Variants in SSBP2 observed in about 807,000 individuals in gnomAD.
SSBP2 encodes the protein single stranded DNA binding protein 2, also known as single-stranded DNA-binding protein 2.
In SSBP2, 17 loss-of-function variants were observed where a neutral mutation model predicts 61.8. The ratio of observed to expected loss-of-function variants is 0.28; its 90% CI spans 0.19 to 0.41. The LOEUF is 0.41. Among genes scored for constraint, SSBP2 ranks in the 10% least tolerant of loss-of-function variants. SSBP2 has a pLI of 1.00. For synonymous variants in SSBP2, 139 were observed against 141.3 expected (o/e 0.98, Z 0.12); for missense variants, 310 against 458.7 (o/e 0.68, Z 2.96).
At chr5:81,691,452 A>T (rs1157217522) in intron 1 of SSBP2, among the ~76,000 whole-genome samples, 1 of 152,076 alleles carries the variant, frequency 6.6e-6, no homozygotes, top group East Asian at 1.9e-4. Flanking sequence ...TAAATTGGAA[A>T]ACCTAGAAAT....
rs527692186 is a variant in SSBP2, at chr5:81,717,184, A to C, written c.62+33797T>G. Among the ~76,000 whole-genome samples, 12 of 152,256 alleles carry C rather than the reference A, an allele frequency of 7.9e-5. No individual in the cohort carries two copies. In the South Asian group the frequency reaches 2.1e-3, roughly 26 times the overall value. On this transcript the variant is annotated intron_variant, in intron 1 of 16. Coordinates refer to ENST00000320672, the MANE Select transcript of SSBP2 (RefSeq NM_012446.5). ...CCACTTGTTACCAGGGCCGTTTGTCAGGGTTGTGTCTGCTATGAACTACCT... is the reference window on the plus strand; with the variant it reads ...CCACTTGTTACCAGGGCCGTTTGTCCGGGTTGTGTCTGCTATGAACTACCT...
chr5:81,438,939 G>T (rs1445937487), intron 14 of SSBP2, among the ~76,000 whole-genome samples: 1 of 152,176 alleles, frequency 6.6e-6, no homozygotes, highest in East Asian at 1.9e-4. Flanking sequence ...TGCAACTGAA[G>T]AACTGAATTT....
Position 81,656,054 on chromosome 5 carries a change from AT to A in SSBP2, c.63-5716del, listed in dbSNP as rs575149120. 1.2e-4 allele frequency among the ~76,000 whole-genome samples: 18 copies of A among 151,936 alleles called. No homozygotes were observed. In the East Asian group the frequency reaches 1.4e-3, roughly 11 times the overall value. On this transcript the variant is annotated intron_variant, in intron 1 of 16. Transcript: ENST00000320672. The stretch of plus-strand genomic sequence containing the variant: ...ATTAGAAGGGAATTAAAGATATATA[AT>A]TTTTTTTATGAGACGGAGTCTTGCT...
intron 4 of SSBP2, among the ~76,000 whole-genome samples, chr5:81,614,554 G>A (rs1016108876): frequency 8.6e-5 from 13 of 151,982 alleles, no homozygotes; most frequent in Non-Finnish European, 1.8e-4. Context: ...TTGAGCGCTG[G>A]TTCTGGTTTT....
chr5:81,647,168 T>TA (rs1727852180), intron 2 of SSBP2, among the ~76,000 whole-genome samples: 1 of 152,178 alleles, frequency 6.6e-6, no homozygotes, highest in South Asian at 2.1e-4. Flanking sequence ...ACAAATAATA[T>TA]ATGTATTCCT....
chr5:81,660,845 A>G (rs1750626645), intron 1 of SSBP2, among the ~76,000 whole-genome samples: 1 of 152,222 alleles, frequency 6.6e-6, no homozygotes. Context: ...GAATGAGATC[A>G]TGTTCTCTGC....
intron 4 of SSBP2, among the ~76,000 whole-genome samples, chr5:81,556,999 C>A: frequency 6.6e-6 from 1 of 152,028 alleles, no homozygotes; most frequent in Non-Finnish European, 1.5e-5. Flanking sequence ...TTTTCTCTCA[C>A]CTCTGTGATT....
intron 2 of SSBP2, among the ~76,000 whole-genome samples, chr5:81,649,261 C>A (rs1749531336): frequency 6.6e-6 from 1 of 152,008 alleles, no homozygotes; most frequent in Non-Finnish European, 1.5e-5. Flanking sequence ...ATGTAAAATA[C>A]CTTGGCACAT....
At chr5:81,457,003 C>T (rs568592896) in intron 10 of SSBP2, among the ~76,000 whole-genome samples, 20 of 152,186 alleles carry the variant, frequency 1.3e-4, no homozygotes, top group South Asian at 8.3e-4. Context: ...AAGGTATAGA[C>T]GTGTGTGGGT....
intron 1 of SSBP2, among the ~76,000 whole-genome samples, chr5:81,693,161 G>C (rs980274203): frequency 2.1e-5 from 3 of 144,288 alleles, no homozygotes; most frequent in African/African-American, 7.8e-5. Context: ...CCTAGATCAC[G>C]CCACTGCACT....
chr5:81,515,772 A>G (rs1172293027), intron 4 of SSBP2, among the ~76,000 whole-genome samples: 1 of 151,614 alleles, frequency 6.6e-6, no homozygotes, highest in African/African-American at 2.4e-5. Flanking sequence ...TTAATTATAT[A>G]TGTTTCCTGG....
At chr5:81,709,703 TAA>T (rs1754639162) in intron 1 of SSBP2, among the ~76,000 whole-genome samples, 2 of 151,898 alleles carry the variant, frequency 1.3e-5, no homozygotes, top group South Asian at 4.1e-4. Flanking sequence ...CCTTTTAATT[TAA>T]AAAGAGAATT....
At chr5:81,630,991 T>G (rs960439621) in intron 3 of SSBP2, among the ~76,000 whole-genome samples, 2 of 152,238 alleles carry the variant, frequency 1.3e-5, no homozygotes, top group African/African-American at 4.8e-5. Flanking sequence ...TAGACTTCAC[T>G]GGAAACACAC....
intron 1 of SSBP2, among the ~76,000 whole-genome samples, chr5:81,695,263 C>A (rs2153843656): frequency 6.6e-6 from 1 of 152,040 alleles, no homozygotes; most frequent in Admixed American, 6.5e-5. Context: ...ACAATATATC[C>A]CAGATTAGGA....
intron 2 of SSBP2, among the ~76,000 whole-genome samples, chr5:81,642,194 A>G (rs1748849435): frequency 6.6e-6 from 1 of 152,160 alleles, no homozygotes; most frequent in Non-Finnish European, 1.5e-5. Context: ...TTTCTGTTGT[A>G]TTGAGTTTCG....
At chr5:81,522,607 G>A (rs1462312052) in intron 4 of SSBP2, among the ~76,000 whole-genome samples, 1 of 152,034 alleles carries the variant, frequency 6.6e-6, no homozygotes, top group African/African-American at 2.4e-5. Flanking sequence ...AATAAAATAA[G>A]ATTTGAAGCA....
intron 1 of SSBP2, among the ~76,000 whole-genome samples, chr5:81,655,088 T>C (rs906231983): frequency 3.9e-5 from 6 of 152,146 alleles, no homozygotes; most frequent in Admixed American, 2.0e-4. Context: ...AGTTCAAGGC[T>C]GCAGTGAGCT....
At chr5:81,584,343 T>C (rs557367854) in intron 4 of SSBP2, among the ~76,000 whole-genome samples, 1 of 152,246 alleles carries the variant, frequency 6.6e-6, no homozygotes, top group African/African-American at 2.4e-5. Flanking sequence ...CAAATGCTTA[T>C]GCATACTTAC....
intron 1 of SSBP2, among the ~76,000 whole-genome samples, chr5:81,736,327 G>A (rs1756625758): frequency 6.6e-6 from 1 of 152,162 alleles, no homozygotes; most frequent in African/African-American, 2.4e-5. Context: ...GCCTTATACA[G>A]TGCCTGGCAC....
Sources: gnomAD v4.1 joint callset for allele counts (sites outside exome capture counted in the v4.1 genomes callset) on GRCh38, gnomAD v4.1.1 for gene constraint, MANE v1.5 for transcripts, NCBI Gene and HGNC (gene_info 2026-07-23, HGNC 2026-07-21) for gene names.